Variants in ELMO1 observed in about 807,000 individuals in gnomAD.
The protein encoded by ELMO1 is engulfment and cell motility protein 1.
A neutral mutation model predicts 98.9 loss-of-function variants in ELMO1; 26 were observed. The ratio of observed to expected loss-of-function variants is 0.26; its 90% CI spans 0.19 to 0.36. The LOEUF (loss-of-function observed/expected upper bound fraction) is 0.36. ELMO1 is among the 10% of genes least tolerant of loss of function. The pLI, the probability that ELMO1 is intolerant of heterozygous loss-of-function variation, is 1.00. For missense variants in ELMO1, 627 were observed against 935.2 expected (o/e 0.67, Z 4.30); for synonymous variants, 346 against 346.0 (o/e 1.00, Z 0.00).
intron 13 of ELMO1, among the ~76,000 whole-genome samples, chr7:37,177,915 C>G (rs1286318389): frequency 2.0e-5 from 3 of 152,096 alleles, no homozygotes; most frequent in African/African-American, 7.2e-5. Flanking sequence ...TCCATCAAAC[C>G]AAATAAATGC....
intron 15 of ELMO1, among the ~76,000 whole-genome samples, chr7:37,018,090 C>T (rs143957753): frequency 6.6e-6 from 1 of 151,822 alleles, no homozygotes; most frequent in African/African-American, 2.4e-5. Context: ...GTGCCTAGCA[C>T]ATGGCATAGA....
intron 13 of ELMO1, among the ~76,000 whole-genome samples, chr7:37,153,786 C>T (rs6946629): frequency 0.18 from 27,794 of 152,122 alleles, 3,201 homozygotes; most frequent in African/African-American, 0.33. Context: ...TACCAGACAG[C>T]TCTGAAGAGA....
At chr7:37,331,952 T>C (rs1190433103) in intron 2 of ELMO1, among the ~76,000 whole-genome samples, 1 of 151,944 alleles carries the variant, frequency 6.6e-6, no homozygotes, top group Non-Finnish European at 1.5e-5. Flanking sequence ...ACAAGAGCCA[T>C]GTAGATAAGC....
chr7:37,164,116 T>C (rs1048708610), intron 13 of ELMO1, among the ~76,000 whole-genome samples: 1 of 152,194 alleles, frequency 6.6e-6, no homozygotes. Flanking sequence ...TCATCAGTCT[T>C]TTGGCTGCAT....
At chr7:36,986,119 A>G (rs1791488821) in intron 16 of ELMO1, 1 of 988,808 alleles carries the variant, frequency 1.0e-6, no homozygotes, top group African/African-American at 1.7e-5. Context: ...TTTAAATGGT[A>G]TACACTCCAA....
intron 2 of ELMO1, among the ~76,000 whole-genome samples, chr7:37,318,874 A>G (rs1799341867): frequency 1.3e-5 from 2 of 151,928 alleles, no homozygotes; most frequent in Non-Finnish European, 2.9e-5. Flanking sequence ...CACTGTTACT[A>G]CTTCCTTCTT....
intron 15 of ELMO1, among the ~76,000 whole-genome samples, chr7:37,067,997 T>C (rs1797075024): frequency 6.6e-6 from 1 of 152,184 alleles, no homozygotes; most frequent in Admixed American, 6.6e-5. Context: ...TCAGAACATT[T>C]GCATTTGAAC....
intron 1 of ELMO1, among the ~76,000 whole-genome samples, chr7:37,441,336 C>T (rs1162819430): frequency 6.6e-6 from 1 of 152,112 alleles, no homozygotes; most frequent in Non-Finnish European, 1.5e-5. Context: ...AAAAGGCTGA[C>T]AGATAATTAC....
At chr7:37,410,969 T>A (rs1318079463) in intron 1 of ELMO1, among the ~76,000 whole-genome samples, 10 of 152,344 alleles carry the variant, frequency 6.6e-5, no homozygotes, top group Admixed American at 5.2e-4. Context: ...AATTAATGTT[T>A]ACTGCACACC....
intron 2 of ELMO1, among the ~76,000 whole-genome samples, chr7:37,338,412 T>G (rs1013308257): frequency 6.6e-5 from 10 of 152,174 alleles, no homozygotes; most frequent in African/African-American, 2.4e-4. Context: ...AAGGCACCAT[T>G]TATGAGGAAC....
intron 16 of ELMO1, among the ~76,000 whole-genome samples, chr7:36,950,261 A>C (rs1408565851): frequency 1.3e-5 from 2 of 152,162 alleles, no homozygotes; most frequent in African/African-American, 2.4e-5. Flanking sequence ...AGACAGAGGG[A>C]ATGTTTCCTT....
intron 4 of ELMO1, among the ~76,000 whole-genome samples, chr7:37,302,628 C>A (rs1170251598): frequency 6.6e-6 from 1 of 152,098 alleles, no homozygotes; most frequent in Admixed American, 6.5e-5. Context: ...TAGCCCCCAG[C>A]TATTCATGTC....
chr7:37,246,769 GAGACAGATAGATAGATAGATAAAC>G (rs1274189209), intron 6 of ELMO1, among the ~76,000 whole-genome samples: 25 of 147,978 alleles, frequency 1.7e-4, no homozygotes, highest in African/African-American at 5.8e-4. Context: ...AACTGATGGA[GAGACAGATAGATAGATAGATAAAC>G]AGACAGATAG....
At chr7:37,345,200 T>C (rs1800937093) in intron 1 of ELMO1, among the ~76,000 whole-genome samples, 1 of 152,212 alleles carries the variant, frequency 6.6e-6, no homozygotes, top group South Asian at 2.1e-4. Context: ...TAGTCACTCA[T>C]TCAACAAATA....
chr7:37,284,658 G>A (rs1797301631), intron 4 of ELMO1, among the ~76,000 whole-genome samples: 1 of 152,020 alleles, frequency 6.6e-6, no homozygotes, highest in Non-Finnish European at 1.5e-5. Flanking sequence ...CAATAGGATG[G>A]TTTTGTAACA....
At chr7:37,247,894 A>AGTGTGTGTGTGTGTGTGTGT (rs1562551690) in intron 6 of ELMO1, among the ~76,000 whole-genome samples, 18 of 108,080 alleles carry the variant, frequency 1.7e-4, no homozygotes, top group African/African-American at 5.5e-4. Flanking sequence ...TTTGAAATAA[A>AGTGTGTGTGTGTGTGTGTGT]ATGTGTGTGT....
chr7:36,856,382 C>T (rs938372323), intron 21 of ELMO1, among the ~76,000 whole-genome samples: 1 of 152,188 alleles, frequency 6.6e-6, no homozygotes, highest in Admixed American at 6.5e-5. Context: ...AATTATTGGG[C>T]AATCTTAATG....
intron 4 of ELMO1, among the ~76,000 whole-genome samples, chr7:37,305,084 T>C (rs781600751): frequency 6.6e-6 from 1 of 152,200 alleles, no homozygotes; most frequent in Non-Finnish European, 1.5e-5. Flanking sequence ...AACAATTCTC[T>C]CTACTCTTCT....
intron 15 of ELMO1, among the ~76,000 whole-genome samples, chr7:37,032,969 G>C (rs1033990070): frequency 6.6e-6 from 1 of 152,254 alleles, no homozygotes; most frequent in East Asian, 1.9e-4. Context: ...TGCACCTAAG[G>C]ATGGGTGGAA....
Sources: gnomAD v4.1 joint callset for allele counts (sites outside exome capture counted in the v4.1 genomes callset) on GRCh38, gnomAD v4.1.1 for gene constraint, MANE v1.5 for transcripts, NCBI Gene and HGNC (gene_info 2026-07-23, HGNC 2026-07-21) for gene names.